The following DNAH9 variants were observed in gnomAD, a reference collection of about 807,000 sequenced individuals.
DNAH9 encodes dynein axonemal heavy chain 9, also known as DNAH9 variant protein.
Under a neutral mutation model 471.6 loss-of-function variants are expected in DNAH9, and 345 were observed. That is an observed-to-expected ratio of 0.73 (90% CI 0.67 to 0.80). The LOEUF (loss-of-function observed/expected upper bound fraction) is 0.80, where lower values mean the gene tolerates loss of function less well. Among genes scored for constraint, DNAH9 ranks in the 30% least tolerant of loss-of-function variants. The pLI is 0.00. For missense variants in DNAH9, 5,407 were observed against 5,609.2 expected (o/e 0.96, Z 1.15); for synonymous variants, 2,093 against 2,123.6 (o/e 0.99, Z 0.40).
intron 14 of DNAH9, among the ~76,000 whole-genome samples, chr17:11,655,827 C>T (rs2073632384): frequency 6.6e-6 from 1 of 151,590 alleles, no homozygotes; most frequent in Admixed American, 6.6e-5. Flanking sequence ...GAGGCAAAGG[C>T]ATAAGAATGA....
intron 8 of DNAH9, among the ~76,000 whole-genome samples, chr17:11,633,251 G>A (rs1417894266): frequency 6.6e-6 from 1 of 152,220 alleles, no homozygotes; most frequent in Non-Finnish European, 1.5e-5. Flanking sequence ...AAGACTCAGT[G>A]GAGCATGATA....
At chr17:11,674,183 A>G (rs1314996271) in intron 17 of DNAH9, among the ~76,000 whole-genome samples, 6 of 152,184 alleles carry the variant, frequency 3.9e-5, no homozygotes, top group East Asian at 1.9e-4. Context: ...CCTTTTAACA[A>G]TGTTGCTGTA....
At position 11,738,864 on chromosome 17, in the gene DNAH9, T is replaced by C. The variant is rs1274655736; in HGVS notation, c.5815-16T>C. 14 of 1,612,660 alleles carry C rather than the reference T, an allele frequency of 8.7e-6. No homozygotes were observed. The highest frequency in any genetic ancestry group is 3.3e-4 in the Middle Eastern group (2 of 6,014). ...AGGCAATTGAGGAATTTCTCGCTGA[T>C]TGATTGGTTCACCAGGTAAAAAGCA... On this transcript the variant is annotated splice_polypyrimidine_tract_variant and intron_variant, in intron 28 of 68. Transcript: ENST00000262442.
chr17:11,745,124 A>G (rs750713766), intron 31 of DNAH9, 40 bp downstream of exon 31: 3 of 1,553,672 alleles, frequency 1.9e-6, no homozygotes, highest in Middle Eastern at 1.7e-4. Flanking sequence ...TCTATCTCTT[A>G]CTTATTGTCC....
In DNAH9 at chr17:11,759,543, G is replaced by A. The variant is rs1218512577; in HGVS notation, c.6995+1851G>A. The stretch of plus-strand genomic sequence containing the variant: ...TTTTTTTTTTTTTTTTTTTTTTTGA[G>A]TCGTTGTCTCGCTCTGTCACCCAGG... On this transcript the variant is annotated intron_variant, in intron 35 of 68. Coordinates refer to ENST00000262442, the MANE Select transcript of DNAH9 (RefSeq NM_001372.4). Among the ~76,000 whole-genome samples, 4 of 47,362 alleles carry A rather than the reference G, an allele frequency of 8.4e-5. No homozygotes were observed. The East Asian group carries it at 1.6e-3, about 19-fold the overall frequency. The allele number at this position is 47,362 out of a possible 152,430, so 31.1% of individuals were successfully genotyped here.
At chr17:11,829,856 A>G (rs1291845524) in intron 48 of DNAH9, among the ~76,000 whole-genome samples, 6 of 152,226 alleles carry the variant, frequency 3.9e-5, no homozygotes, top group Admixed American at 6.5e-5. Context: ...TGAATTCAAC[A>G]TGGCTCTGGA....
chr17:11,898,967 C>A (rs957278199), intron 59 of DNAH9, among the ~76,000 whole-genome samples: 8 of 152,118 alleles, frequency 5.3e-5, no homozygotes, highest in African/African-American at 1.4e-4. Context: ...CTTTTGCCAA[C>A]TAGGGAAGCT....
intron 4 of DNAH9, 195 bp downstream of exon 4, chr17:11,611,975 C>T: frequency 1.6e-6 from 1 of 628,734 alleles, no homozygotes; most frequent in Non-Finnish European, 2.8e-6. Context: ...GTTTGCAGTT[C>T]CACTGCTGTA....
At position 11,869,165 on chromosome 17, in the gene DNAH9, C is replaced by T. The variant is rs776440314; in HGVS notation, c.9965C>T (p.Ala3322Val). 1 of 1,613,662 alleles carries T rather than the reference C, an allele frequency of 6.2e-7. No homozygotes were observed. The highest frequency in any genetic ancestry group is 2.2e-5 in the East Asian group (1 of 44,868). ...AATGAAAACCTGGCAAAGCTCACAG[C>T]CAGGTTTGAGAAAGCAACAGCAGAC... ...HLNENLAKLT[A>V]RFEKATADKL... Residue 3322 changes from alanine to valine, a missense_variant, in exon 51 of 69, where the codon GCC (alanine) becomes GTC (valine). By Grantham distance (64) the Ala-to-Val change is moderately conservative (BLOSUM62 0). This residue lies in a region of DNAH9 where 4,636 missense variants were observed against 4,900.3 expected (regional missense o/e 0.95). Transcript: ENST00000262442.
At chr17:11,838,835 G>A (rs1467805538) in intron 49 of DNAH9, among the ~76,000 whole-genome samples, 5 of 152,090 alleles carry the variant, frequency 3.3e-5, no homozygotes, top group Admixed American at 3.3e-4. Flanking sequence ...ATGAGCCCAA[G>A]GACTCCTCGA....
At chr17:11,617,225 A>G (rs1232166414) in intron 4 of DNAH9, among the ~76,000 whole-genome samples, 186 bp from the exon 5 acceptor site, 1 of 152,076 alleles carries the variant, frequency 6.6e-6, no homozygotes, top group Non-Finnish European at 1.5e-5. Flanking sequence ...AACTCTTCAG[A>G]TCATTATCCT....
intron 19 of DNAH9, among the ~76,000 whole-genome samples, chr17:11,682,873 C>T (rs2074159407): frequency 6.6e-6 from 1 of 152,296 alleles, no homozygotes; most frequent in East Asian, 1.9e-4. Context: ...AAGTCTGTAT[C>T]CCTTTAGAAT....
At chr17:11,929,208 G>A (rs956086530) in intron 62 of DNAH9, among the ~76,000 whole-genome samples, 8 of 151,668 alleles carry the variant, frequency 5.3e-5, no homozygotes, top group African/African-American at 1.9e-4. Context: ...CTAATTTTTT[G>A]TATTTTTAGT....
At chr17:11,701,094 C>T (rs1253249931) in intron 23 of DNAH9, 28 bp from the exon 24 acceptor site, 1 of 1,613,378 alleles carries the variant, frequency 6.2e-7, no homozygotes, top group Non-Finnish European at 8.5e-7. Context: ...CTCAGGCACC[C>T]AGTGTCTAAC....
intron 35 of DNAH9, among the ~76,000 whole-genome samples, chr17:11,760,527 A>T (rs942676302): frequency 9.1e-4 from 135 of 148,424 alleles, no homozygotes; most frequent in Admixed American, 2.9e-3. Flanking sequence ...TTTTATTTTT[A>T]TTTTTTTTTT....
At chr17:11,599,092 C>T (rs1016811113) in intron 1 of DNAH9, among the ~76,000 whole-genome samples, 177 bp downstream of exon 1, 1 of 151,656 alleles carries the variant, frequency 6.6e-6, no homozygotes, top group Non-Finnish European at 1.5e-5. Context: ...GAGGGAAGTT[C>T]CTGAAGTCAG....
In DNAH9 at chr17:11,901,410, C is replaced by CT. The variant is rs1973409138; in HGVS notation, c.11407-1308dup. ...GGACCACACATAAAACACACTAACA[C>CT]TGGGGCCGGGTGTGGTGGCTCACAC... On this transcript the variant is annotated intron_variant, in intron 59 of 68. Transcript: ENST00000262442. 2.0e-5 allele frequency among the ~76,000 whole-genome samples: 3 copies of CT among 152,252 alleles called. No homozygotes were observed. In the South Asian group the frequency reaches 6.2e-4, roughly 32 times the overall value.
intron 61 of DNAH9, among the ~76,000 whole-genome samples, chr17:11,911,922 T>G (rs1488894021): frequency 6.6e-6 from 1 of 152,240 alleles, no homozygotes; most frequent in Non-Finnish European, 1.5e-5. Flanking sequence ...TTGTTAGTTC[T>G]AATAATTCCT....
rs1347778959 is a variant in DNAH9 at position 11,705,038 on chromosome 17, A to C, written c.5405A>C (p.Gln1802Pro). ...KMIAQKVDNA[Q>P]AFLWLSQLRH... ...CTCTCTCTTTAGGTAGACAATGCCC[A>C]GGCTTTCCTCTGGCTGTCTCAGCTG... is the stretch of plus-strand genomic sequence containing the variant. The change falls in exon 26 of 69, where the codon CAG becomes CCG. Residue 1802 changes from glutamine to proline, a missense_variant. Gln to Pro is a moderately conservative substitution (Grantham distance 76). This residue lies in a region of DNAH9 where 4,636 missense variants were observed against 4,900.3 expected (regional missense o/e 0.95). Coordinates refer to ENST00000262442, the MANE Select transcript of DNAH9 (RefSeq NM_001372.4). 6.2e-7 allele frequency: 1 copy of C among 1,614,184 alleles called. No homozygotes were observed. The highest frequency in any genetic ancestry group is 1.7e-4 in the Middle Eastern group (1 of 6,060).
Sources: allele counts gnomAD v4.1 joint callset (sites outside exome capture counted in the v4.1 genomes callset), GRCh38; gene constraint gnomAD v4.1.1; regional missense constraint gnomAD v4.1.1; transcripts MANE v1.5; gene names NCBI Gene and HGNC (gene_info 2026-07-23, HGNC 2026-07-21).